The following OR4A47 variants were observed in gnomAD, a reference collection of about 807,000 sequenced individuals.
OR4A47 encodes the protein olfactory receptor 4A47.
OR4A47 carries 19 observed loss-of-function variants against 16.2 expected under a neutral mutation model. That is an observed-to-expected ratio of 1.17 (90% CI 0.82 to 1.72). The LOEUF (loss-of-function observed/expected upper bound fraction) is 1.72. OR4A47 is among the 40% of genes most tolerant of loss of function. OR4A47 has a pLI of 0.00. For synonymous variants in OR4A47, 180 were observed against 136.0 expected, an observed-to-expected ratio of 1.32 and a Z score of -2.25; for missense variants, 460 against 361.1, an observed-to-expected ratio of 1.27 and a Z score of -2.22.
chr11:48,489,206 G>A lies in OR4A47; in HGVS notation c.414G>A (p.Val138=). 1 of 1,613,818 alleles carries A rather than the reference G, an allele frequency of 6.2e-7. No homozygotes were observed. Among genetic ancestry groups the A allele is most frequent in the Non-Finnish European group, 8.5e-7 (1 of 1,179,824 alleles). The part of the protein sequence containing the change: ...LHYLVIMRQW[V]CVVLLVVSWV... ...ATTTGGTTATCATGAGACAATGGGT[G>A]TGTGTTGTGCTGCTGGTAGTGTCCT... The change falls in exon 1 of 1, where the codon GTG becomes GTA. Residue 138 remains valine, a synonymous_variant. Coordinates refer to ENST00000446524, the MANE Select transcript of OR4A47 (RefSeq NM_001005512.2).
rs767656892 is a variant in OR4A47 at position 48,489,516 on chromosome 11, A to T, written c.724A>T (p.Met242Leu). The change falls in exon 1 of 1, where the codon ATG becomes TTG. Residue 242 changes from methionine to leucine, a missense_variant. Physicochemically the swap from Met to Leu is conservative, Grantham distance 15. Transcript: ENST00000446524. ...QKALSTCSSH[M>L]TVVVFFFVPC... ...AGCCCTCTCAACCTGCAGTTCCCAC[A>T]TGACTGTGGTTGTCTTCTTCTTTGT... 6.2e-7 allele frequency: 1 copy of T among 1,613,878 alleles called. No homozygotes were observed. Among genetic ancestry groups the T allele is most frequent in the Non-Finnish European group, 8.5e-7 (1 of 1,179,832 alleles).
chr11:48,489,267 A>T lies in OR4A47; in HGVS notation c.475A>T (p.Ser159Cys), dbSNP rs761993635. 28 of 1,613,702 alleles carry T rather than the reference A, an allele frequency of 1.7e-5. No individual in the cohort carries two copies. The highest frequency in any genetic ancestry group is 2.3e-5 in the Non-Finnish European group (27 of 1,179,850). ...ATTTCTGCACTCAGTATTTCAACTT[A>T]GCATTATTTATGGGCTCCCATTCTG... ...GGFLHSVFQL[S>C]IIYGLPFCGP... The change falls in exon 1 of 1, where the codon AGC (serine) becomes TGC (cysteine). Residue 159 changes from serine to cysteine, a missense_variant. By Grantham distance (112) the Ser-to-Cys change is moderately radical (BLOSUM62 -1). Transcript: ENST00000446524.
Position 48,489,578 on chromosome 11 carries a change from C to T in OR4A47, c.786C>T (p.Thr262=). 1.2e-6 allele frequency: 2 copies of T among 1,613,830 alleles called. No homozygotes were observed. Among genetic ancestry groups the T allele is most frequent in the South Asian group, 1.1e-5 (1 of 91,066 alleles). Residue 262 remains threonine (T), a synonymous_variant, in exon 1 of 1, where the codon ACC becomes ACT. Coordinates refer to ENST00000446524, the MANE Select transcript of OR4A47 (RefSeq NM_001005512.2). The part of the protein sequence containing the change: ...CIFMYARPAR[T]FPIDKSVSVF... ...TTATGTATGCTAGACCTGCTAGGAC[C>T]TTCCCCATTGACAAATCAGTGAGTG...
chr11:48,488,804 G>A lies in OR4A47; in HGVS notation c.12G>A (p.Arg4=). Residue 4 remains arginine, a synonymous_variant, in exon 1 of 1, where the codon AGG becomes AGA. Transcript: ENST00000446524. ...GCTGTAAAGAATACATGGAGCCAAG[G>A]AAAAATGTGACTGACTTTGTCCTCT... MEP[R]KNVTDFVLLG... 4 of 1,609,592 alleles carry A rather than the reference G, an allele frequency of 2.5e-6. No individual in the cohort carries two copies. The highest frequency in any genetic ancestry group is 3.4e-6 in the Non-Finnish European group (4 of 1,177,368).
Position 48,489,053 on chromosome 11 carries a change from T to C in OR4A47, c.261T>C (p.Asn87=), listed in dbSNP as rs2134578161. The change falls in exon 1 of 1, where the codon AAT becomes AAC. Residue 87 remains asparagine (N), a synonymous_variant. Coordinates refer to ENST00000446524, the MANE Select transcript of OR4A47 (RefSeq NM_001005512.2). ...PRLISGLFFG[N]NSISFQSCMA... ...TGATTTCAGGCTTGTTCTTTGGGAA[T>C]AATTCCATATCCTTCCAATCTTGCA... The C allele has an allele frequency of 1.9e-6, 3 of 1,613,926 alleles. No homozygotes were observed. Among genetic ancestry groups the C allele is most frequent in the Non-Finnish European group, 2.5e-6 (3 of 1,179,862 alleles).
rs374169955 is a variant in OR4A47, at chr11:48,489,334, C to A, written c.542C>A (p.Pro181His). 6.2e-7 allele frequency: 1 copy of A among 1,613,804 alleles called. No homozygotes were observed. The highest frequency in any genetic ancestry group is 1.7e-5 in the Admixed American group (1 of 59,988). ...VIDHFFCDMY[P>H]LLKLVCTDTH... is the part of the protein sequence containing the mutation. ...GATCATTTTTTCTGTGACATGTATC[C>A]CTTATTGAAACTGGTCTGCACTGAC... Residue 181 changes from proline to histidine, a missense_variant, in exon 1 of 1, where the codon CCC becomes CAC. Physicochemically the swap from Pro to His is moderately conservative, Grantham distance 77 (BLOSUM62 -2). Coordinates refer to ENST00000446524, the MANE Select transcript of OR4A47 (RefSeq NM_001005512.2).
chr11:48,489,033 T>G lies in OR4A47; in HGVS notation c.241T>G (p.Ser81Ala). ...TTCATCCATTTCCCCCAGATTGATT[T>G]CAGGCTTGTTCTTTGGGAATAATTC... The part of the protein sequence containing the change: ...YSSSISPRLI[S>A]GLFFGNNSIS... Residue 81 changes from serine to alanine, a missense_variant, in exon 1 of 1, where the codon TCA (serine) becomes GCA (alanine). Transcript: ENST00000446524. The G allele has an allele frequency of 6.2e-7, 1 of 1,613,894 alleles. No individual in the cohort carries two copies.
chr11:48,489,189 A>T lies in OR4A47; in HGVS notation c.397A>T (p.Ile133Phe). 2 of 1,613,770 alleles carry T rather than the reference A, an allele frequency of 1.2e-6. No homozygotes were observed. The highest frequency in any genetic ancestry group is 1.7e-6 in the Non-Finnish European group (2 of 1,179,838). Residue 133 changes from isoleucine to phenylalanine, a missense_variant, in exon 1 of 1, where the codon ATC becomes TTC. Ile to Phe is a conservative substitution (Grantham distance 21). Coordinates refer to ENST00000446524, the MANE Select transcript of OR4A47 (RefSeq NM_001005512.2). ...AICKPLHYLV[I>F]MRQWVCVVLL... ...CTGTAAGCCCTTGCATTATTTGGTT[A>T]TCATGAGACAATGGGTGTGTGTTGT...
rs1852672696 is a variant in OR4A47 at position 48,489,160 on chromosome 11, C to A, written c.368C>A (p.Ala123Asp). Residue 123 changes from alanine to aspartate, a missense_variant, in exon 1 of 1, where the codon GCC becomes GAC. Ala to Asp is a moderately radical substitution (Grantham distance 126). Coordinates refer to ENST00000446524, the MANE Select transcript of OR4A47 (RefSeq NM_001005512.2). The part of the protein sequence containing the change: ...LLVMAYDCYV[A>D]ICKPLHYLVI... Reference sequence around the variant, plus strand: ...GTGATGGCCTATGACTGCTATGTGGCCATCTGTAAGCCCTTGCATTATTTG... The same window carrying A: ...GTGATGGCCTATGACTGCTATGTGGACATCTGTAAGCCCTTGCATTATTTG... 1 of 1,613,726 alleles carries A rather than the reference C, an allele frequency of 6.2e-7. No homozygotes were observed. The highest frequency in any genetic ancestry group is 8.5e-7 in the Non-Finnish European group (1 of 1,179,892).
rs374887866 is a variant in OR4A47 at position 48,489,019 on chromosome 11, C to T, written c.227C>T (p.Ser76Phe). The change falls in exon 1 of 1, where the codon TCC becomes TTC. Residue 76 changes from serine (S) to phenylalanine (F), a missense_variant. Physicochemically the swap from Ser to Phe is radical, Grantham distance 155. Transcript: ENST00000446524. ...GATATCATTTATTCTTCATCCATTT[C>T]CCCCAGATTGATTTCAGGCTTGTTC... ...FIDIIYSSSI[S>F]PRLISGLFFG... 5 of 1,613,512 alleles carry T rather than the reference C, an allele frequency of 3.1e-6. No homozygotes were observed. The highest frequency in any genetic ancestry group is 1.3e-5 in the African/African-American group (1 of 74,898).
At position 48,489,165 on chromosome 11, in the gene OR4A47, T is replaced by A; in HGVS notation, c.373T>A (p.Cys125Ser). The A allele has an allele frequency of 1.2e-6, 2 of 1,613,956 alleles. No individual in the cohort carries two copies. The highest frequency in any genetic ancestry group is 1.7e-6 in the Non-Finnish European group (2 of 1,179,912). ...VMAYDCYVAI[C>S]KPLHYLVIMR... The stretch of plus-strand genomic sequence containing the variant: ...GGCCTATGACTGCTATGTGGCCATC[T>A]GTAAGCCCTTGCATTATTTGGTTAT... The change falls in exon 1 of 1, where the codon TGT becomes AGT. Residue 125 changes from cysteine (C) to serine (S), a missense_variant. Transcript: ENST00000446524.
rs763200828 is a variant in OR4A47, at chr11:48,489,456, T to G, written c.664T>G (p.Ser222Ala). 10 of 1,613,742 alleles carry G rather than the reference T, an allele frequency of 6.2e-6. No individual in the cohort carries two copies. In the African/African-American group the frequency reaches 1.2e-4, roughly 19 times the overall value. ...LLISYGVILHSLKNLSQKGRQ... is the reference protein window; with the variant it reads ...LLISYGVILHALKNLSQKGRQ... The stretch of plus-strand genomic sequence containing the variant: ...CATCTCTTATGGTGTCATCTTGCAC[T>G]CTTTAAAGAACCTTAGTCAGAAAGG... The change falls in exon 1 of 1, where the codon TCT (serine) becomes GCT (alanine). Residue 222 changes from serine to alanine, a missense_variant. Physicochemically the swap from Ser to Ala is moderately conservative, Grantham distance 99 (BLOSUM62 1). Transcript: ENST00000446524.
rs542600768 is a variant in OR4A47, at chr11:48,488,933, A to G, written c.141A>G (p.Val47=). The stretch of plus-strand genomic sequence containing the variant: ...GCAACCTGCTCATTGTAGTGACCGT[A>G]ACTGTCAGTGAGACCCTGGGCTCAC... ...MVGNLLIVVT[V]TVSETLGSPM... Residue 47 remains valine, a synonymous_variant, in exon 1 of 1, where the codon GTA becomes GTG. Coordinates refer to ENST00000446524, the MANE Select transcript of OR4A47 (RefSeq NM_001005512.2). The G allele has an allele frequency of 1.4e-5, 23 of 1,613,786 alleles. No individual in the cohort carries two copies. The South Asian group carries it at 1.5e-4, about 11-fold the overall frequency.
Position 48,489,169 on chromosome 11 carries a change from A to T in OR4A47, c.377A>T (p.Lys126Met). 6.2e-7 allele frequency: 1 copy of T among 1,613,814 alleles called. No individual in the cohort carries two copies. Among genetic ancestry groups the T allele is most frequent in the Middle Eastern group, 1.7e-4 (1 of 6,058 alleles). ...TATGACTGCTATGTGGCCATCTGTA[A>T]GCCCTTGCATTATTTGGTTATCATG... is the stretch of plus-strand genomic sequence containing the variant. The part of the protein sequence containing the change: ...MAYDCYVAIC[K>M]PLHYLVIMRQ... Residue 126 changes from lysine (K) to methionine (M), a missense_variant, in exon 1 of 1, where the codon AAG (lysine) becomes ATG (methionine). Physicochemically the swap from Lys to Met is moderately conservative, Grantham distance 95 (BLOSUM62 -1). Transcript: ENST00000446524.
At position 48,489,710 on chromosome 11, in the gene OR4A47, A is replaced by T. The variant is rs1305614681; in HGVS notation, c.918A>T (p.Ser306=). 1 of 1,603,900 alleles carries T rather than the reference A, an allele frequency of 6.2e-7. No homozygotes were observed. Among genetic ancestry groups the T allele is most frequent in the Admixed American group, 1.7e-5 (1 of 59,876 alleles). The change falls in exon 1 of 1, where the codon TCA becomes TCT. Residue 306 remains serine (S), a synonymous_variant. Transcript: ENST00000446524. ...MKKLWRRDLI[S]SST The stretch of plus-strand genomic sequence containing the variant: ...AGCTCTGGAGAAGAGACCTCATATC[A>T]AGTAGTACATAAGTGAGTTACCCAC...
Position 48,489,258 on chromosome 11 carries a change from T to C in OR4A47, c.466T>C (p.Phe156Leu). The C allele has an allele frequency of 1.2e-6, 2 of 1,613,826 alleles. No individual in the cohort carries two copies. The highest frequency in any genetic ancestry group is 1.1e-5 in the South Asian group (1 of 91,064). ...GGTTGGAGGATTTCTGCACTCAGTATTTCAACTTAGCATTATTTATGGGCT... is the reference window on the plus strand; with the variant it reads ...GGTTGGAGGATTTCTGCACTCAGTACTTCAACTTAGCATTATTTATGGGCT... ...SWVGGFLHSV[F>L]QLSIIYGLPF... Residue 156 changes from phenylalanine (F) to leucine (L), a missense_variant, in exon 1 of 1, where the codon TTT (phenylalanine) becomes CTT (leucine). Transcript: ENST00000446524.
Position 48,489,155 on chromosome 11 carries a change from T to C in OR4A47, c.363T>C (p.Tyr121=). 3 of 1,613,962 alleles carry C rather than the reference T, an allele frequency of 1.9e-6. No individual in the cohort carries two copies. Among genetic ancestry groups the C allele is most frequent in the Non-Finnish European group, 2.5e-6 (3 of 1,179,898 alleles). The change falls in exon 1 of 1, where the codon TAT becomes TAC. Residue 121 remains tyrosine (Y), a synonymous_variant. Transcript: ENST00000446524. ...FLLLVMAYDC[Y]VAICKPLHYL... ...TGTTGGTGATGGCCTATGACTGCTA[T>C]GTGGCCATCTGTAAGCCCTTGCATT...
Position 48,488,962 on chromosome 11 carries a change from T to G in OR4A47, c.170T>G (p.Met57Arg). The G allele has an allele frequency of 6.2e-7, 1 of 1,613,890 alleles. No homozygotes were observed. Among genetic ancestry groups the G allele is most frequent in the Non-Finnish European group, 8.5e-7 (1 of 1,179,848 alleles). Residue 57 changes from methionine to arginine, a missense_variant, in exon 1 of 1, where the codon ATG becomes AGG. By Grantham distance (91) the Met-to-Arg change is moderately conservative (BLOSUM62 -1). Coordinates refer to ENST00000446524, the MANE Select transcript of OR4A47 (RefSeq NM_001005512.2). ...VTVSETLGSP[M>R]YFFLAGLSFI... ...GTCAGTGAGACCCTGGGCTCACCAATGTACTTCTTTCTTGCTGGCTTATCA... is the reference window on the plus strand; with the variant it reads ...GTCAGTGAGACCCTGGGCTCACCAAGGTACTTCTTTCTTGCTGGCTTATCA...
Position 48,488,906 on chromosome 11 carries a change from G to A in OR4A47, c.114G>A (p.Val38=), listed in dbSNP as rs1590417106. 2.5e-6 allele frequency: 4 copies of A among 1,613,232 alleles called. No homozygotes were observed. The highest frequency in any genetic ancestry group is 3.4e-6 in the Non-Finnish European group (4 of 1,179,442). Residue 38 remains valine, a synonymous_variant, in exon 1 of 1, where the codon GTG becomes GTA. Coordinates refer to ENST00000446524, the MANE Select transcript of OR4A47 (RefSeq NM_001005512.2). ...MFLLFYILTM[V]GNLLIVVTVT... ...TGCTCTTCTACATTTTGACCATGGT[G>A]GGCAACCTGCTCATTGTAGTGACCG...
Sources: gnomAD v4.1 joint callset for allele counts on GRCh38, gnomAD v4.1.1 for gene constraint, MANE v1.5 for transcripts, NCBI Gene and HGNC (gene_info 2026-07-23, HGNC 2026-07-21) for gene names.